MTFR1: variants seen among roughly 807,000 people sequenced by gnomAD.
The protein encoded by MTFR1 is chondrocyte protein with a poly-proline region.
Under a neutral mutation model 38.8 loss-of-function variants are expected in MTFR1, and 28 were observed. The ratio of observed to expected loss-of-function variants is 0.72; its 90% CI spans 0.53 to 0.99. MTFR1 has a LOEUF of 0.99. Ranked by LOEUF, MTFR1 falls within the 50% of genes least tolerant of loss-of-function variation. MTFR1 has a pLI of 0.00. For synonymous variants in MTFR1, 145 were observed against 137.0 expected (o/e 1.06, Z -0.41); for missense variants, 358 against 395.5 (o/e 0.91, Z 0.81).
chr8:65,773,636 TA>T (rs2128921720), downstream of MTFR1, among the ~76,000 whole-genome samples: 1 of 152,384 alleles, frequency 6.6e-6, no homozygotes, highest in African/African-American at 2.4e-5. Flanking sequence ...AAGGAATATT[TA>T]ACCCATTTAT....
intron 3 of MTFR1, among the ~76,000 whole-genome samples, chr8:65,728,819 A>C (rs973354417): frequency 3.3e-5 from 5 of 152,214 alleles, no homozygotes. Context: ...TGATTTAAAA[A>C]ATTAATGTAT....
At chr8:65,671,151 A>T (rs780217829) in intron 2 of MTFR1, among the ~76,000 whole-genome samples, 6 of 152,208 alleles carry the variant, frequency 3.9e-5, no homozygotes, top group African/African-American at 1.4e-4. Flanking sequence ...TAATTTTGAG[A>T]TTATTAGCTT....
chr8:65,770,010 C>T lies in MTFR1; in HGVS notation c.*49-937C>T, dbSNP rs997925576. Among the ~76,000 whole-genome samples, 3 of 151,990 alleles carry T rather than the reference C, an allele frequency of 2.0e-5. No homozygotes were observed. The East Asian group carries it at 5.8e-4, about 29-fold the overall frequency. ...TACCATACTCTTAAAAATTTTTGTCCAGAGATAATTTCAAAACACATACAA... is the reference window on the plus strand; with the variant it reads ...TACCATACTCTTAAAAATTTTTGTCTAGAGATAATTTCAAAACACATACAA... On this transcript the variant is annotated intron_variant, in intron 3 of 3. Coordinates refer to the MTFR1 transcript ENST00000521247.
chr8:65,747,474 C>T (rs1807726838), intron 3 of MTFR1, among the ~76,000 whole-genome samples: 1 of 152,062 alleles, frequency 6.6e-6, no homozygotes, highest in Non-Finnish European at 1.5e-5. Context: ...ATTTCCCTTG[C>T]TCTGTAATGG....
the MTFR1 span, among the ~76,000 whole-genome samples, chr8:65,777,335 T>C: frequency 6.6e-6 from 1 of 152,142 alleles, no homozygotes. Flanking sequence ...CGCCTCAGCC[T>C]CCCAAAGTGC....
At chr8:65,768,108 A>G (rs1808887464) in intron 3 of MTFR1, among the ~76,000 whole-genome samples, 1 of 152,178 alleles carries the variant, frequency 6.6e-6, no homozygotes, top group South Asian at 2.1e-4. Flanking sequence ...ACCCCTCCAC[A>G]CATTTGGTCA....
At chr8:65,676,545 G>A (rs1804712288) in intron 2 of MTFR1, among the ~76,000 whole-genome samples, 1 of 151,990 alleles carries the variant, frequency 6.6e-6, no homozygotes, top group Non-Finnish European at 1.5e-5. Context: ...TGTATTTTTA[G>A]TAAAGACAGG....
chr8:65,716,687 A>C (rs911674969), intron 2 of MTFR1, among the ~76,000 whole-genome samples: 2 of 152,200 alleles, frequency 1.3e-5, no homozygotes, highest in African/African-American at 2.4e-5. Flanking sequence ...AAATTAAAAT[A>C]TTGATAGTGT....
intron 1 of MTFR1, among the ~76,000 whole-genome samples, chr8:65,660,553 CCCT>C (rs1042144784): frequency 6.6e-6 from 1 of 151,966 alleles, no homozygotes; most frequent in African/African-American, 2.4e-5. Context: ...ATCCCTCAGG[CCCT>C]CCCTCAGGCC....
chr8:65,697,766 G>A lies in MTFR1; in HGVS notation c.281+4007G>A, dbSNP rs527542376. Among the ~76,000 whole-genome samples the A allele has an allele frequency of 5.3e-5, 8 of 152,244 alleles. No homozygotes were observed. The South Asian group carries it at 1.0e-3, about 20-fold the overall frequency. Reference sequence around the variant, plus strand: ...TATATGGCTAATTCAGTTTCTCTGCGTTATTTCCTTAATAGCTAATGATGT... The same window carrying A: ...TATATGGCTAATTCAGTTTCTCTGCATTATTTCCTTAATAGCTAATGATGT... On this transcript the variant is annotated intron_variant, in intron 4 of 7. Coordinates refer to ENST00000262146, the MANE Select transcript of MTFR1 (RefSeq NM_014637.4).
intron 3 of MTFR1, among the ~76,000 whole-genome samples, chr8:65,764,490 C>T (rs1433217299): frequency 2.0e-5 from 3 of 152,112 alleles, no homozygotes; most frequent in Non-Finnish European, 4.4e-5. Context: ...CCATGCAGTA[C>T]AGTATGAAAG....
intron 3 of MTFR1, chr8:65,765,767 T>C (rs1223518714): frequency 2.6e-5 from 4 of 152,262 alleles, no homozygotes; most frequent in Non-Finnish European, 5.9e-5. Context: ...TTAATAATCA[T>C]GCCAGAATTG....
At position 65,668,169 on chromosome 8, in the gene MTFR1, CT is replaced by C. The variant is rs1166328245; in HGVS notation, c.-80-1690del. Among the ~76,000 whole-genome samples the C allele has an allele frequency of 3.4e-3, 450 of 134,028 alleles. 1 individual carries two copies. The highest frequency in any genetic ancestry group is 6.9e-3 in the African/African-American group (253 of 36,702). 87.9% of individuals were successfully genotyped at this position (134,028 alleles called of 152,430 possible). ...TAGCTGACTTTTTGAGCAAGATTTT[CT>C]TTTTTTTTTTTTTCTTTTTTTTTTT... On this transcript the variant is annotated intron_variant, in intron 1 of 7. Coordinates refer to ENST00000262146, the MANE Select transcript of MTFR1 (RefSeq NM_014637.4).
At chr8:65,742,618 T>C (rs1193585449) in intron 3 of MTFR1, among the ~76,000 whole-genome samples, 1 of 152,224 alleles carries the variant, frequency 6.6e-6, no homozygotes, top group African/African-American at 2.4e-5. Flanking sequence ...TGAATGTATG[T>C]TATCCAGAAT....
At chr8:65,659,886 A>G (rs1167264631) in intron 1 of MTFR1, among the ~76,000 whole-genome samples, 1 of 152,036 alleles carries the variant, frequency 6.6e-6, no homozygotes, top group African/African-American at 2.4e-5. Context: ...GATTTAACTC[A>G]TTTCATCTGT....
At chr8:65,674,340 G>A (rs1203033248) in intron 2 of MTFR1, among the ~76,000 whole-genome samples, 1 of 150,872 alleles carries the variant, frequency 6.6e-6, no homozygotes. Context: ...AGGCTGGCAC[G>A]GTGGTTCATG....
At chr8:65,645,695 C>CTT (rs1563428253) in intron 1 of MTFR1, among the ~76,000 whole-genome samples, 1 of 114,492 alleles carries the variant, frequency 8.7e-6, no homozygotes, top group African/African-American at 3.6e-5. Flanking sequence ...CCGGCTTTCC[C>CTT]CCCCCCCCCC....
chr8:65,735,239 A>G (rs987410081), intron 3 of MTFR1, among the ~76,000 whole-genome samples: 19 of 152,186 alleles, frequency 1.2e-4, no homozygotes, highest in African/African-American at 4.6e-4. Context: ...TCGCCGAGTG[A>G]GCGGGACAGA....
At chr8:65,650,236 C>CA (rs1809084747) in intron 1 of MTFR1, among the ~76,000 whole-genome samples, 1 of 112,494 alleles carries the variant, frequency 8.9e-6, no homozygotes, top group Non-Finnish European at 1.7e-5. Flanking sequence ...TTTTTTGAGA[C>CA]AGAGTTTTAC....
Sources: gnomAD v4.1 joint callset for allele counts (sites outside exome capture counted in the v4.1 genomes callset) on GRCh38, gnomAD v4.1.1 for gene constraint, MANE v1.5 for transcripts, NCBI Gene and HGNC (gene_info 2026-07-23, HGNC 2026-07-21) for gene names.